TEX11: variants seen among roughly 807,000 people sequenced by gnomAD.
TEX11 encodes the protein testis-expressed protein 11.
In TEX11, 7 loss-of-function variants were observed where a neutral mutation model predicts 84.4. That is an observed-to-expected ratio of 0.08 (90% CI 0.05 to 0.16). The LOEUF (loss-of-function observed/expected upper bound fraction) is 0.16, where lower values mean the gene tolerates loss of function less well. Among genes scored for constraint, TEX11 ranks in the 10% least tolerant of loss-of-function variants. The pLI, the probability that TEX11 is intolerant of heterozygous loss-of-function variation, is 1.00. For synonymous variants in TEX11, 264 were observed against 222.8 expected (o/e 1.18, Z -1.64); for missense variants, 551 against 660.5 (o/e 0.83, Z 1.82).
chrX:70,544,883 C>T (rs1480110556), intron 28 of TEX11, among the ~76,000 whole-genome samples: 4 of 100,652 alleles, frequency 4.0e-5, no homozygotes, highest in Non-Finnish European at 4.1e-5. Flanking sequence ...CAAAAAAACC[C>T]AAAAAAAACC....
At chrX:70,727,381 G>C (rs1312620139) in intron 11 of TEX11, among the ~76,000 whole-genome samples, 1 of 111,599 alleles carries the variant, frequency 9.0e-6, no homozygotes, top group Non-Finnish European at 1.9e-5. Context: ...TATATGCAAT[G>C]TATATGTATA....
chrX:70,577,116 G>A (rs2088684586), intron 25 of TEX11, among the ~76,000 whole-genome samples: 1 of 111,525 alleles, frequency 9.0e-6, no homozygotes, highest in South Asian at 3.8e-4. Context: ...CCTTGATCAG[G>A]TCCTGAGCTC....
At chrX:70,730,533 A>G (rs1435277131) in intron 11 of TEX11, among the ~76,000 whole-genome samples, 1 of 111,944 alleles carries the variant, frequency 8.9e-6, no homozygotes, top group African/African-American at 3.2e-5. Flanking sequence ...CTTTAAACCA[A>G]CAAAGATCAA....
intron 25 of TEX11, among the ~76,000 whole-genome samples, chrX:70,565,478 C>T (rs202028771): frequency 0.077 from 8,407 of 109,826 alleles, 424 homozygotes; most frequent in Admixed American, 0.24. Context: ...AGTCCTTGCC[C>T]ATGCCTATGT....
intron 2 of TEX11, among the ~76,000 whole-genome samples, chrX:70,907,445 C>T (rs191603876): frequency 2.5e-4 from 27 of 109,295 alleles, no homozygotes; most frequent in Admixed American, 5.9e-4. Flanking sequence ...CTCACTCTGT[C>T]GCCCAGGCTG....
At chrX:70,889,452 T>C (rs2091726430) in intron 2 of TEX11, among the ~76,000 whole-genome samples, 1 of 110,521 alleles carries the variant, frequency 9.0e-6, no homozygotes, top group Non-Finnish European at 1.9e-5. Context: ...CAAACCTCAC[T>C]GGTAATAGTA....
At chrX:70,576,419 A>G (rs1428900461) in intron 25 of TEX11, among the ~76,000 whole-genome samples, 1 of 112,527 alleles carries the variant, frequency 8.9e-6, no homozygotes. Flanking sequence ...TTAACAAGTC[A>G]GAATAATTTT....
intron 4 of TEX11, among the ~76,000 whole-genome samples, chrX:70,867,757 CA>C (rs927428778): frequency 1.6e-4 from 17 of 107,307 alleles, no homozygotes; most frequent in African/African-American, 5.1e-4. Flanking sequence ...ACAAACTTGA[CA>C]AAAAAAAAGC....
rs541713786 is a variant in TEX11 at position 70,538,618 on chromosome X, C to T, written c.2521-8619G>A. ...CAGCCTGGGCAACATAGTAAGACCTCCTCTCAATTAAAAAAATTTTATTAA... is the reference window on the plus strand; with the variant it reads ...CAGCCTGGGCAACATAGTAAGACCTTCTCTCAATTAAAAAAATTTTATTAA... On this transcript the variant is annotated intron_variant, in intron 28 of 29. Coordinates refer to ENST00000374333, the MANE Select transcript of TEX11 (RefSeq NM_031276.3). Among the ~76,000 whole-genome samples the T allele has an allele frequency of 4.0e-4, 44 of 110,357 alleles. No homozygotes were observed. The South Asian group carries it at 0.018, about 44-fold the overall frequency.
intron 16 of TEX11, among the ~76,000 whole-genome samples, chrX:70,667,693 C>T (rs2089987989): frequency 1.8e-5 from 2 of 111,266 alleles, no homozygotes; most frequent in Non-Finnish European, 1.9e-5. Context: ...TTTGGGAGGC[C>T]GAGGCGGGCA....
rs374615312 is a variant in TEX11, at chrX:70,573,991, T to C, written c.2140+17760A>G. On this transcript the variant is annotated intron_variant, in intron 25 of 29. Transcript: ENST00000374333. ...CGATGATGACACTTGATGAATACTT[T>C]ATACCAAAGTCAAAATTATAGCACT... 1.8e-4 allele frequency among the ~76,000 whole-genome samples: 20 copies of C among 112,136 alleles called. No individual in the cohort carries two copies. In the South Asian group the frequency reaches 6.0e-3, roughly 34 times the overall value.
chrX:70,636,095 G>C (rs2089569185), intron 17 of TEX11, among the ~76,000 whole-genome samples: 1 of 110,222 alleles, frequency 9.1e-6, no homozygotes, highest in African/African-American at 3.3e-5. Context: ...GCAGCTCCAG[G>C]ACCCAGGTCA....
chrX:70,824,764 T>C lies in TEX11; in HGVS notation c.606+8749A>G, dbSNP rs529621811. Among the ~76,000 whole-genome samples, 110 of 111,603 alleles carry C rather than the reference T, an allele frequency of 9.9e-4. 1 individual carries two copies. The South Asian group carries it at 0.041, about 42-fold the overall frequency. On this transcript the variant is annotated intron_variant, in intron 8 of 29. Coordinates refer to ENST00000374333, the MANE Select transcript of TEX11 (RefSeq NM_031276.3). ...ACCTTAATAACCAGGAATCTCAACC[T>C]AATTTACATAACAAAAACTTTGATA...
At chrX:70,861,528 A>C (rs934606920) in intron 4 of TEX11, among the ~76,000 whole-genome samples, 1 of 110,048 alleles carries the variant, frequency 9.1e-6, no homozygotes, top group Admixed American at 9.7e-5. Flanking sequence ...GCAGTGACGC[A>C]TGATCTTGGC....
intron 25 of TEX11, among the ~76,000 whole-genome samples, chrX:70,572,715 G>A (rs1160896340): frequency 9.2e-6 from 1 of 108,932 alleles, no homozygotes; most frequent in Non-Finnish European, 1.9e-5. Flanking sequence ...CATGGATGAA[G>A]CTGGAGACCA....
chrX:70,513,530 G>C, the TEX11 span, among the ~76,000 whole-genome samples: 1 of 105,902 alleles, frequency 9.4e-6, no homozygotes, highest in African/African-American at 3.5e-5. Flanking sequence ...GTCCTATGTT[G>C]CCCCAGCTGG....
chrX:70,554,145 C>T (rs2088255396), intron 26 of TEX11, among the ~76,000 whole-genome samples: 1 of 111,760 alleles, frequency 8.9e-6, no homozygotes, highest in Non-Finnish European at 1.9e-5. Context: ...AGGCTCTATG[C>T]CCCCAAACCC....
chrX:70,803,362 C>T (rs908678471), intron 9 of TEX11, among the ~76,000 whole-genome samples: 2 of 111,116 alleles, frequency 1.8e-5, no homozygotes, highest in African/African-American at 3.3e-5. Context: ...TAAGGGAACA[C>T]GATCAAAAGA....
intron 12 of TEX11, among the ~76,000 whole-genome samples, chrX:70,723,741 A>G (rs1178334745): frequency 8.9e-6 from 1 of 111,838 alleles, no homozygotes; most frequent in Non-Finnish European, 1.9e-5. Flanking sequence ...ATTATGTGCT[A>G]TCCTTTCACA....
Sources: allele counts gnomAD v4.1 joint callset (sites outside exome capture counted in the v4.1 genomes callset), GRCh38; gene constraint gnomAD v4.1.1; transcripts MANE v1.5; gene names NCBI Gene and HGNC (gene_info 2026-07-23, HGNC 2026-07-21).